Variants in CA5A observed in about 807,000 individuals in gnomAD.
CA5A encodes carbonic anhydrase 5A.
A neutral mutation model predicts 37.1 loss-of-function variants in CA5A; 28 were observed. That is an observed-to-expected ratio of 0.75 (90% CI 0.56 to 1.03). The LOEUF (loss-of-function observed/expected upper bound fraction) is 1.03. Ranked by LOEUF, CA5A falls within the 50% of genes least tolerant of loss-of-function variation. The pLI is 0.00. For missense variants in CA5A, 444 were observed against 399.9 expected, an observed-to-expected ratio of 1.11 and a Z score of -0.94; for synonymous variants, 171 against 158.4, an observed-to-expected ratio of 1.08 and a Z score of -0.60.
chr16:87,881,988 G>C (rs1247760848), intron 4 of CA5A: 1 of 152,216 alleles, frequency 6.6e-6, no homozygotes, highest in African/African-American at 2.4e-5. Context: ...TGCTTCTCTT[G>C]GTGTCTTGTT....
Position 87,902,341 on chromosome 16 carries a change from G to A in CA5A, c.555+84C>T, listed in dbSNP as rs1286929320. Reference sequence around the variant, plus strand: ...TGCACTCCAGCCTGTGTGACACAGCGAGTCCTGTCTCAAAAAAAAAAAAGC... The same window carrying A: ...TGCACTCCAGCCTGTGTGACACAGCAAGTCCTGTCTCAAAAAAAAAAAAGC... On this transcript the variant is annotated intron_variant, in intron 4 of 6. Coordinates refer to ENST00000649794, the MANE Select transcript of CA5A (RefSeq NM_001739.2). The A allele has an allele frequency of 1.9e-5, 15 of 790,218 alleles. No homozygotes were observed. The Middle Eastern group carries it at 9.3e-4, about 49-fold the overall frequency. The allele number at this position is 790,218 out of a possible 1,614,324, so 49.0% of individuals were successfully genotyped here. A position where few individuals can be genotyped will look rare whatever the true frequency, so the allele number is the denominator to read the frequency against.
At chr16:87,918,262 C>T (rs1204389715) in intron 2 of CA5A, among the ~76,000 whole-genome samples, 9 of 152,344 alleles carry the variant, frequency 5.9e-5, no homozygotes, top group South Asian at 2.1e-4. Context: ...CCCTCCCGCA[C>T]CTTTAGGGAA....
chr16:87,932,904 C>G (rs911759390), intron 1 of CA5A, among the ~76,000 whole-genome samples: 1 of 152,216 alleles, frequency 6.6e-6, no homozygotes, highest in African/African-American at 2.4e-5. Context: ...CCTGCTTTGA[C>G]CACTGGGACA....
rs2056047525 is a variant in CA5A at position 87,911,235 on chromosome 16, T to C, written c.341-6331A>G. The stretch of plus-strand genomic sequence containing the variant: ...ACTGGCCACTGTTGCCTCAGCGTTC[T>C]GTGTAAGCAGGTGCGTCAGAACCGG... On this transcript the variant is annotated intron_variant, in intron 2 of 6. Coordinates refer to ENST00000649794, the MANE Select transcript of CA5A (RefSeq NM_001739.2). This position sits in a 1 kb window ranked among gnomAD's most constrained non-coding sequence, Gnocchi z 4.6. Among the ~76,000 whole-genome samples, 1 of 152,200 alleles carries C rather than the reference T, an allele frequency of 6.6e-6. No individual in the cohort carries two copies. The highest frequency in any genetic ancestry group is 1.9e-4 in the East Asian group (1 of 5,182).
At chr16:87,936,005 T>TA (rs2056465792) in intron 1 of CA5A, among the ~76,000 whole-genome samples, 1 of 151,870 alleles carries the variant, frequency 6.6e-6, no homozygotes, top group African/African-American at 2.4e-5. Flanking sequence ...ACCCTGTCTC[T>TA]ACTAAAAATA....
At chr16:87,893,728 T>G (rs2055759841) in intron 5 of CA5A, 6 of 492,736 alleles carry the variant, frequency 1.2e-5, no homozygotes, top group Middle Eastern at 1.4e-3. Flanking sequence ...CATGGCCAGC[T>G]ACCTCAGTAA....
chr16:87,911,112 A>C lies in CA5A; in HGVS notation c.341-6208T>G, dbSNP rs1281671623. Among the ~76,000 whole-genome samples, 2 of 151,472 alleles carry C rather than the reference A, an allele frequency of 1.3e-5. No homozygotes were observed. The highest frequency in any genetic ancestry group is 1.9e-4 in the East Asian group (1 of 5,192). ...ATTCTCCTTAATCAAAAAAAAAAAAAAAAAAAAAGGCAAGCCCAATTCACG... is the reference window on the plus strand; with the variant it reads ...ATTCTCCTTAATCAAAAAAAAAAAACAAAAAAAAGGCAAGCCCAATTCACG... On this transcript the variant is annotated intron_variant, in intron 2 of 6. Transcript: ENST00000649794. This position sits in a 1 kb window ranked among gnomAD's most constrained non-coding sequence, Gnocchi z 4.6.
At chr16:87,930,103 A>G (rs529101662) in intron 1 of CA5A, among the ~76,000 whole-genome samples, 1 of 152,132 alleles carries the variant, frequency 6.6e-6, no homozygotes, top group South Asian at 2.1e-4. Context: ...TCCCCCATCA[A>G]CGTGCATGGT....
At chr16:87,904,434 C>A (rs1362431639) in intron 3 of CA5A, among the ~76,000 whole-genome samples, 2 of 152,130 alleles carry the variant, frequency 1.3e-5, no homozygotes, top group Non-Finnish European at 2.9e-5. Flanking sequence ...CAGCAGAGGG[C>A]CTTGTGGATT....
intron 2 of CA5A, chr16:87,924,434 C>G (rs1015043086): frequency 6.0e-6 from 3 of 499,866 alleles, no homozygotes; most frequent in Non-Finnish European, 7.7e-6. Context: ...ACGCCCTGCC[C>G]CCAACAGCAG....
At chr16:87,905,648 C>T (rs1409258703) in intron 2 of CA5A, among the ~76,000 whole-genome samples, 7 of 152,214 alleles carry the variant, frequency 4.6e-5, no homozygotes, top group Admixed American at 3.3e-4. Context: ...TGTGAGCCAC[C>T]GCTCCTGGGT....
At chr16:87,907,542 G>A (rs868173163) in intron 2 of CA5A, among the ~76,000 whole-genome samples, 1 of 152,234 alleles carries the variant, frequency 6.6e-6, no homozygotes, top group Non-Finnish European at 1.5e-5. Flanking sequence ...GATGATGGAT[G>A]CTTCATGGAC....
downstream of CA5A, chr16:87,887,189 C>T (rs2055655464): frequency 1.3e-5 from 2 of 152,252 alleles, no homozygotes; most frequent in Admixed American, 1.3e-4. Flanking sequence ...AGGCATGAGC[C>T]ACTGCACCTG....
chr16:87,910,906 T>C (rs559214607), intron 2 of CA5A, among the ~76,000 whole-genome samples: 2 of 152,078 alleles, frequency 1.3e-5, no homozygotes, highest in African/African-American at 2.4e-5. Flanking sequence ...CCCACCAGCA[T>C]GCCCAGCTAA....
chr16:87,923,667 T>C, intron 2 of CA5A: 2 of 985,424 alleles, frequency 2.0e-6, no homozygotes, highest in Non-Finnish European at 2.4e-6. Context: ...ACCAGACCCT[T>C]TGCCTTGGGA....
downstream of CA5A, chr16:87,888,006 A>G (rs2055662299): frequency 2.8e-6 from 4 of 1,422,668 alleles, no homozygotes; most frequent in Admixed American, 7.4e-5. Flanking sequence ...TACTTCGACT[A>G]AAACAATAAC....
In CA5A at chr16:87,891,798, C is replaced by T. The variant is rs1395452009; in HGVS notation, c.774+1G>A. On this transcript the variant is annotated splice_donor_variant, in intron 6 of 6. Transcript: ENST00000649794. LOFTEE classifies it high-confidence loss of function. Reference sequence around the variant, plus strand: ...TCGTGCCAGTTACGGGCACGGCTCACCTGGCTTGGGGCCACTTCAACGGGC... The same window carrying T: ...TCGTGCCAGTTACGGGCACGGCTCATCTGGCTTGGGGCCACTTCAACGGGC... The T allele has an allele frequency of 1.3e-5, 20 of 1,507,286 alleles. No homozygotes were observed. The highest frequency in any genetic ancestry group is 1.8e-5 in the Non-Finnish European group (20 of 1,131,726). The allele number at this position is 1,507,286 out of a possible 1,614,324, so 93.4% of individuals were successfully genotyped here.
intron 2 of CA5A, among the ~76,000 whole-genome samples, chr16:87,923,217 C>A (rs956699134): frequency 2.0e-5 from 3 of 152,174 alleles, no homozygotes; most frequent in Non-Finnish European, 4.4e-5. Context: ...GCGATGGAGT[C>A]TCGCTCTGTC....
At chr16:87,892,544 AATAATAATAAT>A (rs1567515030) in intron 5 of CA5A, among the ~76,000 whole-genome samples, 6 of 138,112 alleles carry the variant, frequency 4.3e-5, no homozygotes, top group African/African-American at 1.6e-4. Flanking sequence ...TAATAATAAT[AATAATAATAAT>A]AAATTAATTA....
Sources: allele counts gnomAD v4.1 joint callset (sites outside exome capture counted in the v4.1 genomes callset), GRCh38; gene constraint gnomAD v4.1.1; non-coding constraint Gnocchi (gnomAD v3.1); transcripts MANE v1.5; gene names NCBI Gene and HGNC (gene_info 2026-07-23, HGNC 2026-07-21).